The following PTPRD variants were observed in gnomAD, a reference collection of about 807,000 sequenced individuals.
PTPRD encodes receptor-type tyrosine-protein phosphatase delta.
PTPRD carries 34 observed loss-of-function variants against 214.5 expected under a neutral mutation model. That is an observed-to-expected ratio of 0.16 (90% confidence interval 0.12 to 0.21). The LOEUF (loss-of-function observed/expected upper bound fraction) is 0.21, where lower values mean the gene tolerates loss of function less well. PTPRD is among the 10% of genes least tolerant of loss of function. PTPRD has a pLI of 1.00. For missense variants in PTPRD, 2,545 were observed against 2,398.7 expected (o/e 1.06, Z -1.27); for synonymous variants, 1,128 against 845.7 (o/e 1.33, Z -5.79).
intron 39 of PTPRD, among the ~76,000 whole-genome samples, chr9:8,357,167 C>T (rs902712765): frequency 6.6e-6 from 1 of 152,198 alleles, no homozygotes; most frequent in African/African-American, 2.4e-5. Context: ...GCAATGCCAA[C>T]AATTCTTCTT....
At chr9:8,443,003 G>A (rs992314571) in intron 34 of PTPRD, among the ~76,000 whole-genome samples, 2 of 152,130 alleles carry the variant, frequency 1.3e-5, no homozygotes, top group Non-Finnish European at 2.9e-5. Context: ...AAATGAACCG[G>A]GCATTGTGGC....
At chr9:10,590,598 G>C (rs1223862426) in intron 2 of PTPRD, among the ~76,000 whole-genome samples, 1 of 151,762 alleles carries the variant, frequency 6.6e-6, no homozygotes, top group Non-Finnish European at 1.5e-5. Flanking sequence ...GCTTCTTTTT[G>C]TAAACACTAT....
chr9:8,827,727 G>A (rs988626704), intron 11 of PTPRD, among the ~76,000 whole-genome samples: 1 of 152,004 alleles, frequency 6.6e-6, no homozygotes, highest in East Asian at 1.9e-4. Flanking sequence ...AACCTATAGG[G>A]TATTTATCAT....
intron 2 of PTPRD, among the ~76,000 whole-genome samples, chr9:10,490,477 C>A (rs1162323943): frequency 6.6e-6 from 1 of 152,146 alleles, no homozygotes; most frequent in Non-Finnish European, 1.5e-5. Context: ...ACATGCCCTA[C>A]TTTTATAGAT....
At chr9:9,492,602 T>C (rs760419228) in intron 8 of PTPRD, among the ~76,000 whole-genome samples, 1 of 152,040 alleles carries the variant, frequency 6.6e-6, no homozygotes, top group Non-Finnish European at 1.5e-5. Flanking sequence ...AAATTCATCA[T>C]CTTTTCATAA....
At chr9:9,038,553 G>GTTT (rs35388432) in intron 10 of PTPRD, among the ~76,000 whole-genome samples, 22 of 129,032 alleles carry the variant, frequency 1.7e-4, no homozygotes, top group African/African-American at 3.4e-4. Flanking sequence ...TGTGATAACG[G>GTTT]TTTTTTTTTT....
intron 11 of PTPRD, among the ~76,000 whole-genome samples, chr9:9,007,804 T>C (rs1455685861): frequency 6.6e-6 from 1 of 150,466 alleles, no homozygotes; most frequent in African/African-American, 2.4e-5. Flanking sequence ...TTCTTTCTTT[T>C]TTTTTTTACA....
At chr9:9,983,464 T>C (rs1588134406) in intron 4 of PTPRD, among the ~76,000 whole-genome samples, 1 of 152,228 alleles carries the variant, frequency 6.6e-6, no homozygotes, top group African/African-American at 2.4e-5. Flanking sequence ...CACCAAAAGC[T>C]GGCAAGTATT....
rs75106219 is a variant in PTPRD at position 9,173,624 on chromosome 9, T to C, written c.-143+9680A>G. Among the ~76,000 whole-genome samples, 370 of 152,244 alleles carry C rather than the reference T, an allele frequency of 2.4e-3. 1 individual carries two copies. The highest frequency in any genetic ancestry group is 8.3e-3 in the African/African-American group (346 of 41,546). ...CTGCTGTGTTGAATACTGTACACCA[T>C]TGTAATACAATGGCATGTGTGTATC... On this transcript the variant is annotated intron_variant, in intron 10 of 45. Coordinates refer to ENST00000381196, the MANE Select transcript of PTPRD (RefSeq NM_002839.4).
chr9:9,895,579 TC>T (rs2074733914), intron 5 of PTPRD, among the ~76,000 whole-genome samples: 1 of 152,050 alleles, frequency 6.6e-6, no homozygotes, highest in African/African-American at 2.4e-5. Context: ...ATAACCAGAA[TC>T]CACGATGGTT....
At chr9:8,887,622 C>A (rs1170157870) in intron 11 of PTPRD, among the ~76,000 whole-genome samples, 2 of 152,078 alleles carry the variant, frequency 1.3e-5, no homozygotes, top group Admixed American at 1.3e-4. Flanking sequence ...TTTTTTATTG[C>A]CCATCTAAAG....
At chr9:10,013,830 G>C (rs779034475) in intron 4 of PTPRD, among the ~76,000 whole-genome samples, 10 of 151,848 alleles carry the variant, frequency 6.6e-5, no homozygotes, top group Non-Finnish European at 1.5e-4. Context: ...TAATGTTCTA[G>C]AATTTGATAT....
At chr9:8,544,887 TC>T (rs1255186743) in intron 14 of PTPRD, among the ~76,000 whole-genome samples, 7 of 138,932 alleles carry the variant, frequency 5.0e-5, no homozygotes, top group Non-Finnish European at 9.3e-5. Context: ...CTAAAGACAG[TC>T]CTTTTTTTTT....
At chr9:9,809,499 C>T (rs149753172) in intron 5 of PTPRD, among the ~76,000 whole-genome samples, 2,996 of 152,166 alleles carry the variant, frequency 0.02, 46 homozygotes, top group Non-Finnish European at 0.03. Context: ...CTCCTGACCT[C>T]GTTATCCGCC....
rs543455937 is a variant in PTPRD at position 9,253,357 on chromosome 9, C to T, written c.-202-69994G>A. Among the ~76,000 whole-genome samples, 106 of 151,942 alleles carry T rather than the reference C, an allele frequency of 7.0e-4. 4 individuals carry two copies. The South Asian group carries it at 0.019, about 27-fold the overall frequency. On this transcript the variant is annotated intron_variant, in intron 9 of 45. Transcript: ENST00000381196. ...AATTTTTAAACTACTAAGTTGCTGG[C>T]GTCGAGTCTAGAAATTATTGGAAAA...
At chr9:10,082,832 C>CACACAA (rs2098264101) in intron 3 of PTPRD, among the ~76,000 whole-genome samples, 2 of 135,346 alleles carry the variant, frequency 1.5e-5, no homozygotes, top group Admixed American at 7.1e-5. Flanking sequence ...CACACACACA[C>CACACAA]ACACACAAAC....
chr9:9,250,814 C>G (rs894858070), intron 9 of PTPRD, among the ~76,000 whole-genome samples: 1 of 151,960 alleles, frequency 6.6e-6, no homozygotes, highest in Non-Finnish European at 1.5e-5. Flanking sequence ...AAATGAGTCC[C>G]AACAAATTTG....
intron 10 of PTPRD, among the ~76,000 whole-genome samples, chr9:9,150,051 T>C (rs552988641): frequency 7.9e-5 from 12 of 152,278 alleles, no homozygotes; most frequent in African/African-American, 2.6e-4. Context: ...ACCTAAGCAA[T>C]TGTCACCGGA....
At chr9:9,544,443 T>C (rs1049326616) in intron 8 of PTPRD, among the ~76,000 whole-genome samples, 21 of 151,752 alleles carry the variant, frequency 1.4e-4, no homozygotes, top group Admixed American at 5.9e-4. Flanking sequence ...CTTAACCTTT[T>C]TAAGGTTTAG....
Sources: gnomAD v4.1 joint callset for allele counts (sites outside exome capture counted in the v4.1 genomes callset) on GRCh38, gnomAD v4.1.1 for gene constraint, MANE v1.5 for transcripts, NCBI Gene and HGNC (gene_info 2026-07-23, HGNC 2026-07-21) for gene names.